The following LMBR1 variants were observed in gnomAD, a reference collection of about 807,000 sequenced individuals.
LMBR1 encodes the protein limb region 1 protein homolog.
LMBR1 carries 52 observed loss-of-function variants against 73.9 expected under a neutral mutation model. The ratio of observed to expected loss-of-function variants is 0.70; its 90% confidence interval spans 0.56 to 0.89. The LOEUF (loss-of-function observed/expected upper bound fraction) is 0.89. LMBR1 is among the 40% of genes least tolerant of loss of function. The pLI, the probability that LMBR1 is intolerant of heterozygous loss-of-function variation, is 0.00. For synonymous variants in LMBR1, 215 were observed against 209.4 expected (o/e 1.03, Z -0.23); for missense variants, 539 against 579.8 (o/e 0.93, Z 0.72).
chr7:156,686,480 T>A (rs1440655948), intron 16 of LMBR1, among the ~76,000 whole-genome samples: 2 of 152,190 alleles, frequency 1.3e-5, no homozygotes, highest in Non-Finnish European at 2.9e-5. Context: ...ACATTACATA[T>A]ACTTAATAAG....
intron 5 of LMBR1, among the ~76,000 whole-genome samples, chr7:156,791,720 T>C (rs1829262755): frequency 6.6e-6 from 1 of 152,224 alleles, no homozygotes; most frequent in Non-Finnish European, 1.5e-5. Flanking sequence ...ATCAGGCACT[T>C]TGTTTGAAGT....
intron 3 of LMBR1, among the ~76,000 whole-genome samples, chr7:156,832,658 C>T (rs967465111): frequency 6.6e-6 from 1 of 152,160 alleles, no homozygotes; most frequent in Admixed American, 6.6e-5. Flanking sequence ...TATGTAGAAG[C>T]ATTTATTTGT....
At chr7:156,817,909 AG>A (rs1834182287) in intron 4 of LMBR1, among the ~76,000 whole-genome samples, 1 of 152,182 alleles carries the variant, frequency 6.6e-6, no homozygotes, top group Admixed American at 6.5e-5. Context: ...TATAATGTCC[AG>A]AAAAGCACTC....
intron 5 of LMBR1, among the ~76,000 whole-genome samples, chr7:156,790,853 C>T (rs779555026): frequency 2.6e-5 from 4 of 152,144 alleles, no homozygotes; most frequent in South Asian, 2.1e-4. Context: ...AGTTCCCATA[C>T]GCCCAGATTT....
At chr7:156,790,841 T>C (rs1829089944) in intron 5 of LMBR1, among the ~76,000 whole-genome samples, 1 of 152,238 alleles carries the variant, frequency 6.6e-6, no homozygotes, top group African/African-American at 2.4e-5. Context: ...TATTTCTTTC[T>C]GAGTTCCCAT....
chr7:156,866,133 TA>T (rs1183453577), intron 1 of LMBR1, among the ~76,000 whole-genome samples: 1 of 149,488 alleles, frequency 6.7e-6, no homozygotes, highest in Non-Finnish European at 1.5e-5. Context: ...ATCAAGAAAG[TA>T]AAAAGATGAC....
At chr7:156,809,724 T>C (rs985525244) in intron 4 of LMBR1, among the ~76,000 whole-genome samples, 2 of 152,206 alleles carry the variant, frequency 1.3e-5, no homozygotes, top group Admixed American at 1.3e-4. Context: ...CTGGCTTGCA[T>C]TGTTTCCCAC....
At chr7:156,753,441 G>C (rs1216654463) in intron 9 of LMBR1, among the ~76,000 whole-genome samples, 1 of 152,074 alleles carries the variant, frequency 6.6e-6, no homozygotes, top group Non-Finnish European at 1.5e-5. Context: ...GGGTAGAAGC[G>C]AGCCATCACA....
At position 156,893,004 on chromosome 7, in the gene LMBR1, G is replaced by A. The variant is rs371711423; in HGVS notation, c.-11C>T. On this transcript the variant is annotated 5_prime_UTR_variant, in exon 1 of 17. Transcript: ENST00000353442. ...GTCCTGCCCTTCCATCCTCCTTCAT[G>A]CCCGCCGCCGCGCCGCCCGCGTCCG... The A allele has an allele frequency of 3.8e-5, 57 of 1,513,272 alleles. No individual in the cohort carries two copies. Among genetic ancestry groups the A allele is most frequent in the Non-Finnish European group, 4.8e-5 (55 of 1,138,156 alleles). The allele number at this position is 1,513,272 out of a possible 1,614,324, so 93.7% of individuals were successfully genotyped here. A position where few individuals can be genotyped will look rare whatever the true frequency, so the allele number is the denominator to read the frequency against.
At chr7:156,706,883 A>G (rs1325408781) in intron 15 of LMBR1, among the ~76,000 whole-genome samples, 1 of 151,204 alleles carries the variant, frequency 6.6e-6, no homozygotes, top group African/African-American at 2.4e-5. Context: ...AGATCAGAGC[A>G]GAACCAAAAA....
At chr7:156,803,167 C>A (rs371905059) in intron 4 of LMBR1, among the ~76,000 whole-genome samples, 47 of 152,062 alleles carry the variant, frequency 3.1e-4, no homozygotes, top group Non-Finnish European at 5.0e-4. Flanking sequence ...TAATTAAACT[C>A]AAGAGCTTCT....
chr7:156,775,106 G>A (rs568770276), intron 5 of LMBR1, among the ~76,000 whole-genome samples: 58 of 152,018 alleles, frequency 3.8e-4, no homozygotes, highest in African/African-American at 1.2e-3. Context: ...GGTGGCTCAC[G>A]CCTGTAATCC....
At chr7:156,684,268 G>A (rs540051332) in intron 16 of LMBR1, 105 bp from the exon 17 acceptor site, 2 of 907,260 alleles carry the variant, frequency 2.2e-6, no homozygotes, top group Admixed American at 1.9e-5. Flanking sequence ...GTGTTATTTG[G>A]AAAGCTGTGA....
At chr7:156,711,666 G>C (rs1812109525) in intron 15 of LMBR1, among the ~76,000 whole-genome samples, 1 of 152,060 alleles carries the variant, frequency 6.6e-6, no homozygotes, top group Admixed American at 6.5e-5. Flanking sequence ...CAGATCAATG[G>C]AACAGAATGG....
At chr7:156,759,727 AATTT>A (rs1192328839) in intron 8 of LMBR1, among the ~76,000 whole-genome samples, 1 of 152,198 alleles carries the variant, frequency 6.6e-6, no homozygotes, top group African/African-American at 2.4e-5. Flanking sequence ...CTCGAACATA[AATTT>A]AATTTTCTCA....
At chr7:156,675,182 C>T (rs1235726596), downstream of LMBR1, among the ~76,000 whole-genome samples, 1 of 152,228 alleles carries the variant, frequency 6.6e-6, no homozygotes, top group Non-Finnish European at 1.5e-5. Flanking sequence ...CGCCTGAGCG[C>T]TTTCTATGCT....
intron 2 of LMBR1, among the ~76,000 whole-genome samples, chr7:156,835,941 T>C (rs953560383): frequency 6.6e-6 from 1 of 152,188 alleles, no homozygotes; most frequent in African/African-American, 2.4e-5. Context: ...GTGTCTACAG[T>C]TCATGAAACC....
chr7:156,794,064 T>G (rs1829684903), intron 5 of LMBR1, among the ~76,000 whole-genome samples: 1 of 152,184 alleles, frequency 6.6e-6, no homozygotes, highest in African/African-American at 2.4e-5. Context: ...CTGCAGCACC[T>G]ATTACAACTT....
chr7:156,799,501 C>G (rs1293927089), intron 4 of LMBR1, among the ~76,000 whole-genome samples: 1 of 152,136 alleles, frequency 6.6e-6, no homozygotes, highest in African/African-American at 2.4e-5. Context: ...ATAAAAGATG[C>G]CAAACTTAAT....
Sources: allele counts gnomAD v4.1 joint callset (sites outside exome capture counted in the v4.1 genomes callset), GRCh38; gene constraint gnomAD v4.1.1; transcripts MANE v1.5; gene names NCBI Gene and HGNC (gene_info 2026-07-23, HGNC 2026-07-21).